Variants in CEP350 observed in about 807,000 individuals in gnomAD.
CEP350 encodes centrosome-associated protein 350.
A neutral mutation model predicts 331.8 loss-of-function variants in CEP350; 126 were observed. The ratio of observed to expected loss-of-function variants is 0.38; its 90% confidence interval spans 0.33 to 0.44. The LOEUF is 0.44. Ranked by LOEUF, CEP350 falls within the 20% of genes least tolerant of loss-of-function variation. The pLI is 1.00. For synonymous variants in CEP350, 1,200 were observed against 1,259.5 expected, an observed-to-expected ratio of 0.95 and a Z score of 1.00; for missense variants, 3,406 against 3,634.6, an observed-to-expected ratio of 0.94 and a Z score of 1.62.
chr1:180,034,084 TA>T lies in CEP350; in HGVS notation c.3946+4del. On this transcript the variant is annotated splice_donor_region_variant and intron_variant, in intron 16 of 37. Coordinates refer to ENST00000367607, the MANE Select transcript of CEP350 (RefSeq NM_014810.5). ...CAGAGAACATGGCTCCAATACCAGG[TA>T]AGTAGATTCATGCAATTGTAATTTT... 2 of 1,609,886 alleles carry T rather than the reference TA, an allele frequency of 1.2e-6. No homozygotes were observed. The highest frequency in any genetic ancestry group is 2.2e-5 in the South Asian group (2 of 90,458).
At chr1:179,995,120 A>G (rs1163229526) in intron 5 of CEP350, among the ~76,000 whole-genome samples, 1 of 152,200 alleles carries the variant, frequency 6.6e-6, no homozygotes, top group Non-Finnish European at 1.5e-5. Context: ...CTTAATTTCG[A>G]TTAGCCACAT....
intron 19 of CEP350, among the ~76,000 whole-genome samples, chr1:180,042,541 T>C (rs1656838684): frequency 6.6e-6 from 1 of 152,188 alleles, no homozygotes. Flanking sequence ...TGAGTCTCCT[T>C]TCTCAAGAAA....
At chr1:180,073,629 A>G (rs1659036723) in intron 27 of CEP350, among the ~76,000 whole-genome samples, 1 of 152,204 alleles carries the variant, frequency 6.6e-6, no homozygotes, top group South Asian at 2.1e-4. Context: ...ACTTTTAAAA[A>G]TGTCACACAG....
At chr1:179,991,085 T>C (rs1653018966) in intron 4 of CEP350, among the ~76,000 whole-genome samples, 1 of 152,088 alleles carries the variant, frequency 6.6e-6, no homozygotes, top group Non-Finnish European at 1.5e-5. Flanking sequence ...TTTTCATTTG[T>C]TTTTAGTGAT....
chr1:180,033,725 T>C, intron 15 of CEP350, 137 bp from the exon 16 acceptor site: 1 of 810,336 alleles, frequency 1.2e-6, no homozygotes. Flanking sequence ...GTGATTATAT[T>C]AATGAATAAA....
At chr1:180,082,581 C>T (rs920581607) in intron 30 of CEP350, among the ~76,000 whole-genome samples, 5 of 152,100 alleles carry the variant, frequency 3.3e-5, no homozygotes, top group African/African-American at 1.2e-4. Context: ...TACCAAAATG[C>T]TGGGATTACA....
At chr1:179,980,407 A>G (rs574779718) in intron 1 of CEP350, among the ~76,000 whole-genome samples, 89 of 151,924 alleles carry the variant, frequency 5.9e-4, no homozygotes, top group Non-Finnish European at 1.1e-3. Flanking sequence ...CTACAAATTT[A>G]CTGAATTCAT....
chr1:180,049,629 C>T (rs1209030913), intron 22 of CEP350, among the ~76,000 whole-genome samples: 2 of 151,314 alleles, frequency 1.3e-5, no homozygotes, highest in African/African-American at 2.4e-5. Context: ...CTGCAACCTC[C>T]GCCTCCTGGG....
Position 180,015,955 on chromosome 1 carries a change from C to T in CEP350, c.2159C>T (p.Pro720Leu), listed in dbSNP as rs757816396. 2.5e-6 allele frequency: 4 copies of T among 1,613,806 alleles called. No individual in the cohort carries two copies. Among genetic ancestry groups the T allele is most frequent in the Non-Finnish European group, 3.4e-6 (4 of 1,179,774 alleles). Reference protein sequence around the residue: ...SSSDMSLSEPPQPLARKDLME... With the variant: ...SSSDMSLSEPLQPLARKDLME... ...AGTGACATGTCTCTCTCAGAACCTC[C>T]ACAGCCTCTTGCAAGGTAAAAAGGG... is the stretch of plus-strand genomic sequence containing the variant. The change falls in exon 11 of 38, where the codon CCA (proline) becomes CTA (leucine). Residue 720 changes from proline to leucine, a missense_variant. Transcript: ENST00000367607.
intron 33 of CEP350, among the ~76,000 whole-genome samples, chr1:180,092,311 C>A (rs1394261058): frequency 6.6e-6 from 1 of 152,104 alleles, no homozygotes; most frequent in Non-Finnish European, 1.5e-5. Flanking sequence ...TCTATTTTTG[C>A]ATGATTTGAG....
intron 17 of CEP350, among the ~76,000 whole-genome samples, chr1:180,037,975 A>G (rs1230477293): frequency 6.6e-6 from 1 of 152,104 alleles, no homozygotes; most frequent in East Asian, 1.9e-4. Flanking sequence ...TGACCAGTGT[A>G]TATACCTATG....
intron 22 of CEP350, among the ~76,000 whole-genome samples, chr1:180,052,058 CAATTGT>C (rs1657536350): frequency 6.6e-6 from 1 of 152,128 alleles, no homozygotes; most frequent in Admixed American, 6.5e-5. Context: ...GGTACAAAAG[CAATTGT>C]AATTGTATGC....
chr1:180,021,294 T>C (rs1050938664), intron 12 of CEP350, among the ~76,000 whole-genome samples: 2 of 152,154 alleles, frequency 1.3e-5, no homozygotes, highest in African/African-American at 4.8e-5. Flanking sequence ...ATAGATGATG[T>C]TCAGGATTGG....
intron 28 of CEP350, among the ~76,000 whole-genome samples, chr1:180,076,632 T>TA (rs1442247528): frequency 1.3e-5 from 2 of 151,768 alleles, no homozygotes; most frequent in Non-Finnish European, 2.9e-5. Context: ...CTACCAAAAA[T>TA]AAAAAAATTA....
rs889637785 is a variant in CEP350 at position 180,090,470 on chromosome 1, C to T, written c.6426-244C>T. Among the ~76,000 whole-genome samples the T allele has an allele frequency of 2.3e-4, 33 of 141,452 alleles. No individual in the cohort carries two copies. The South Asian group carries it at 6.3e-3, about 27-fold the overall frequency. The allele number at this position is 141,452 out of a possible 152,430, so 92.8% of individuals were successfully genotyped here. ...CTGAGGCAGGAGAATGGCGTGAACC[C>T]GGGAGGCGGAGCTTGCAGTGAGCCG... is the stretch of plus-strand genomic sequence containing the variant. On this transcript the variant is annotated intron_variant, in intron 32 of 37. Coordinates refer to ENST00000367607, the MANE Select transcript of CEP350 (RefSeq NM_014810.5).
intron 1 of CEP350, chr1:179,969,486 A>G (rs895551010): frequency 6.3e-6 from 3 of 474,310 alleles, no homozygotes; most frequent in African/African-American, 2.0e-5. Context: ...CTGAATGGGT[A>G]GGAATAAGCA....
chr1:180,066,854 C>T (rs1312916493), intron 27 of CEP350, among the ~76,000 whole-genome samples: 3 of 152,174 alleles, frequency 2.0e-5, no homozygotes, highest in Non-Finnish European at 4.4e-5. Flanking sequence ...AATAATCTCT[C>T]ATAGATTTTT....
chr1:180,078,904 T>C (rs1659401487), intron 29 of CEP350, among the ~76,000 whole-genome samples: 1 of 152,180 alleles, frequency 6.6e-6, no homozygotes, highest in Admixed American at 6.5e-5. Context: ...ATTGAGGGAA[T>C]AGGAACTTCT....
intron 6 of CEP350, among the ~76,000 whole-genome samples, chr1:179,998,486 A>G (rs1653637203): frequency 6.6e-6 from 1 of 151,174 alleles, no homozygotes; most frequent in African/African-American, 2.4e-5. Context: ...TTGTATTTTT[A>G]GTAGAGACAG....
Sources: allele counts gnomAD v4.1 joint callset (sites outside exome capture counted in the v4.1 genomes callset), GRCh38; gene constraint gnomAD v4.1.1; transcripts MANE v1.5; gene names NCBI Gene and HGNC (gene_info 2026-07-23, HGNC 2026-07-21).